Variants in LRIG1 observed in about 807,000 individuals in gnomAD.
The protein encoded by LRIG1 is leucine rich repeats and immunoglobulin like domains 1.
In LRIG1, 48 loss-of-function variants were observed where a neutral mutation model predicts 99.2. That is an observed-to-expected ratio of 0.48 (90% CI 0.38 to 0.62). LRIG1 has a LOEUF of 0.62. LRIG1 is among the 20% of genes least tolerant of loss of function. The pLI, the probability that LRIG1 is intolerant of heterozygous loss-of-function variation, is 0.00. For synonymous variants in LRIG1, 772 were observed against 596.1 expected, an observed-to-expected ratio of 1.29 and a Z score of -4.30; for missense variants, 1,646 against 1,434.4, an observed-to-expected ratio of 1.15 and a Z score of -2.38.
chr3:66,497,921 C>G (rs116515266), intron 1 of LRIG1, among the ~76,000 whole-genome samples: 2,531 of 152,184 alleles, frequency 0.017, 83 homozygotes, highest in African/African-American at 0.058. Context: ...ACTTTCTCCC[C>G]TAAAGTCTTG....
chr3:66,394,259 C>G, intron 11 of LRIG1, 56 bp from the exon 12 acceptor site: 3 of 1,427,798 alleles, frequency 2.1e-6, no homozygotes, highest in Non-Finnish European at 2.8e-6. Context: ...AGGGACACTC[C>G]CTTCACACAC....
At chr3:66,407,540 C>T in intron 7 of LRIG1, 49 bp from the exon 8 acceptor site, 1 of 1,600,756 alleles carries the variant, frequency 6.2e-7, no homozygotes, top group Non-Finnish European at 8.5e-7. Context: ...GGTTGCCCCC[C>T]AACCCCACCC....
chr3:66,405,155 T>C, intron 9 of LRIG1, 43 bp downstream of exon 9: 1 of 1,556,262 alleles, frequency 6.4e-7, no homozygotes, highest in South Asian at 1.1e-5. Context: ...CCCAAGTGTG[T>C]CCCGCGCATT....
chr3:66,455,621 A>C (rs1206587120), intron 2 of LRIG1, among the ~76,000 whole-genome samples: 1 of 152,252 alleles, frequency 6.6e-6, no homozygotes, highest in Non-Finnish European at 1.5e-5. Context: ...CCAAATACAG[A>C]CAGAGCTGCA....
chr3:66,494,735 C>A (rs1339942635), intron 1 of LRIG1, among the ~76,000 whole-genome samples: 2 of 152,176 alleles, frequency 1.3e-5, no homozygotes, highest in African/African-American at 4.8e-5. Flanking sequence ...CCACCCCCTA[C>A]AAAAAAGAGA....
At chr3:66,494,414 C>T (rs750811550) in intron 1 of LRIG1, among the ~76,000 whole-genome samples, 3 of 152,146 alleles carry the variant, frequency 2.0e-5, no homozygotes, top group Non-Finnish European at 4.4e-5. Flanking sequence ...AAGCTTTGTC[C>T]CTAGCCCATT....
chr3:66,385,519 C>G (rs1345552310), intron 13 of LRIG1, among the ~76,000 whole-genome samples: 1 of 152,098 alleles, frequency 6.6e-6, no homozygotes, highest in Non-Finnish European at 1.5e-5. Context: ...GTGGAGTGAT[C>G]TCGGCTCACT....
intron 5 of LRIG1, among the ~76,000 whole-genome samples, chr3:66,414,417 TA>T (rs1702561505): frequency 6.7e-6 from 1 of 150,278 alleles, no homozygotes; most frequent in African/African-American, 2.5e-5. Flanking sequence ...AATAAATAAA[TA>T]AATAATAATA....
chr3:66,381,006 A>G (rs1007011310), intron 17 of LRIG1, 145 bp from the exon 18 acceptor site: 3 of 758,098 alleles, frequency 4.0e-6, no homozygotes, highest in Non-Finnish European at 2.1e-6. Flanking sequence ...TTCCCCAACT[A>G]TGTCCCCAGA....
At chr3:66,433,000 G>A (rs962680846) in intron 3 of LRIG1, among the ~76,000 whole-genome samples, 1 of 152,200 alleles carries the variant, frequency 6.6e-6, no homozygotes, top group African/African-American at 2.4e-5. Flanking sequence ...AGCATTGCCA[G>A]AGGGCCCAGC....
chr3:66,469,841 C>T (rs1038765057), intron 1 of LRIG1, among the ~76,000 whole-genome samples: 1 of 138,624 alleles, frequency 7.2e-6, no homozygotes, highest in African/African-American at 2.7e-5. Context: ...AGGCTAAAGT[C>T]GGGGAATCAC....
At chr3:66,387,582 G>A (rs1004707316) in intron 12 of LRIG1, 76 of 152,064 alleles carry the variant, frequency 5.0e-4, no homozygotes, top group African/African-American at 1.5e-3. Flanking sequence ...CAAATCCTGG[G>A]GGAGGAGAAA....
chr3:66,489,601 G>C (rs1701055963), intron 1 of LRIG1, among the ~76,000 whole-genome samples: 1 of 152,076 alleles, frequency 6.6e-6, no homozygotes, highest in Admixed American at 6.5e-5. Context: ...CCTAGATACA[G>C]ATCAATTTAA....
intron 1 of LRIG1, among the ~76,000 whole-genome samples, chr3:66,499,274 C>A (rs775868561): frequency 6.6e-6 from 1 of 152,198 alleles, no homozygotes; most frequent in African/African-American, 2.4e-5. Context: ...TCCTAATAAG[C>A]CCACATCCTG....
intron 2 of LRIG1, among the ~76,000 whole-genome samples, chr3:66,462,206 C>T (rs1357670474): frequency 6.6e-6 from 1 of 152,144 alleles, no homozygotes; most frequent in Admixed American, 6.5e-5. Context: ...CCACCATGCG[C>T]CCAGGATTTC....
chr3:66,488,361 A>T (rs113271428), intron 1 of LRIG1, among the ~76,000 whole-genome samples: 271 of 151,850 alleles, frequency 1.8e-3, no homozygotes, highest in African/African-American at 6.1e-3. Context: ...GGTGGCTCAC[A>T]TCTGTAATCC....
At chr3:66,408,788 G>A (rs527429839) in intron 7 of LRIG1, among the ~76,000 whole-genome samples, 46 of 152,300 alleles carry the variant, frequency 3.0e-4, no homozygotes, top group African/African-American at 1.0e-3. Flanking sequence ...TGCAGGCCCT[G>A]AAGCGTAGGA....
intron 1 of LRIG1, among the ~76,000 whole-genome samples, chr3:66,479,908 A>G (rs1214099878): frequency 6.6e-6 from 1 of 152,246 alleles, no homozygotes; most frequent in Non-Finnish European, 1.5e-5. Context: ...TCAAAAAGTC[A>G]AACATAGAAT....
intron 3 of LRIG1, among the ~76,000 whole-genome samples, chr3:66,438,125 C>G (rs1462227071): frequency 5.3e-5 from 8 of 152,120 alleles, no homozygotes; most frequent in Non-Finnish European, 1.2e-4. Flanking sequence ...TGCTTGGGAG[C>G]CAAGGCCTTG....
Sources: gnomAD v4.1 joint callset for allele counts (sites outside exome capture counted in the v4.1 genomes callset) on GRCh38, gnomAD v4.1.1 for gene constraint, MANE v1.5 for transcripts, NCBI Gene and HGNC (gene_info 2026-07-23, HGNC 2026-07-21) for gene names.